The following SLCO2B1 variants were observed in gnomAD, a reference collection of about 807,000 sequenced individuals.
SLCO2B1 encodes the protein OATP-RP2.
SLCO2B1 carries 41 observed loss-of-function variants against 67.3 expected under a neutral mutation model. That is an observed-to-expected ratio of 0.61 (90% CI 0.47 to 0.79). The LOEUF (loss-of-function observed/expected upper bound fraction) is 0.79, where lower values mean the gene tolerates loss of function less well. SLCO2B1 is among the 30% of genes least tolerant of loss of function. The pLI is 0.00. For synonymous variants in SLCO2B1, 379 were observed against 381.4 expected, an observed-to-expected ratio of 0.99 and a Z score of 0.07; for missense variants, 837 against 920.1, an observed-to-expected ratio of 0.91 and a Z score of 1.17.
intron 8 of SLCO2B1, among the ~76,000 whole-genome samples, chr11:75,192,103 C>A (rs1483238795): frequency 6.6e-6 from 1 of 152,104 alleles, no homozygotes; most frequent in Non-Finnish European, 1.5e-5. Flanking sequence ...TCCCCAGATC[C>A]CCCCCACCAT....
Position 75,193,977 on chromosome 11 carries a change from G to A in SLCO2B1, c.1433+402G>A, listed in dbSNP as rs542649213. On this transcript the variant is annotated intron_variant, in intron 9 of 13. Transcript: ENST00000289575. The surrounding 1 kb of genome is among the most constrained non-coding windows in gnomAD (Gnocchi z 4.2). ...GAATGGCCTGCCCAGGAGGAAGCAT[G>A]CTCTCCATCCTGGGGACGAGAGGGG... 6.6e-6 allele frequency among the ~76,000 whole-genome samples: 1 copy of A among 152,300 alleles called. No homozygotes were observed. Among genetic ancestry groups the A allele is most frequent in the South Asian group, 2.1e-4 (1 of 4,828 alleles).
At chr11:75,200,110 A>C in intron 10 of SLCO2B1, 114 bp from the exon 11 acceptor site, 1 of 1,127,306 alleles carries the variant, frequency 8.9e-7, no homozygotes, top group Non-Finnish European at 1.3e-6. Context: ...AGCCAGCTCT[A>C]CCCCAACTGG....
At chr11:75,172,928 CAA>C (rs59869396) in intron 7 of SLCO2B1, among the ~76,000 whole-genome samples, 1 of 140,598 alleles carries the variant, frequency 7.1e-6, no homozygotes, top group Non-Finnish European at 1.6e-5. Flanking sequence ...GACTCCGTCT[CAA>C]AAAAAAAAAA....
chr11:75,166,645 C>T (rs1347703036), intron 4 of SLCO2B1, among the ~76,000 whole-genome samples: 1 of 150,802 alleles, frequency 6.6e-6, no homozygotes, highest in East Asian at 2.0e-4. Context: ...TACTACTCAT[C>T]CATCTATTTA....
chr11:75,203,143 C>A, intron 12 of SLCO2B1, 164 bp from the exon 13 acceptor site: 1 of 1,179,112 alleles, frequency 8.5e-7, no homozygotes, highest in Non-Finnish European at 1.2e-6. Flanking sequence ...AGAGTCTAGA[C>A]AGCCCGTCAG....
At chr11:75,194,231 C>G (rs1171704548) in intron 9 of SLCO2B1, among the ~76,000 whole-genome samples, 1 of 152,240 alleles carries the variant, frequency 6.6e-6, no homozygotes, top group Non-Finnish European at 1.5e-5. Context: ...TTCTATCTCT[C>G]CAATTCTCCC....
At position 75,179,218 on chromosome 11, in the gene SLCO2B1, A is replaced by ATTT. The variant is rs373993870; in HGVS notation, c.972+6674_972+6676dup. Reference sequence around the variant, plus strand: ...TGGGTATGTTTATTGGATACATGAGATTTTTTTTTTTTTTTTTTTTTTTTT... The same window carrying ATTT: ...TGGGTATGTTTATTGGATACATGAGATTTTTTTTTTTTTTTTTTTTTTTTTTTT... On this transcript the variant is annotated intron_variant, in intron 7 of 13. Coordinates refer to ENST00000289575, the MANE Select transcript of SLCO2B1 (RefSeq NM_007256.5). Among the ~76,000 whole-genome samples the ATTT allele has an allele frequency of 2.3e-3, 152 of 66,688 alleles. 35 individuals carry two copies. The highest frequency in any genetic ancestry group is 8.9e-3 in the South Asian group (12 of 1,346). 43.7% of individuals were successfully genotyped at this position (66,688 alleles called of 152,430 possible). A position where few individuals can be genotyped will look rare whatever the true frequency, so the allele number is the denominator to read the frequency against.
chr11:75,153,924 C>CA (rs1555135335), intron 1 of SLCO2B1, among the ~76,000 whole-genome samples: 2 of 123,974 alleles, frequency 1.6e-5, no homozygotes, highest in African/African-American at 3.1e-5. Flanking sequence ...GTGTACAGTA[C>CA]TTTTTTTTTT....
At chr11:75,168,243 T>C (rs1226697568) in intron 4 of SLCO2B1, among the ~76,000 whole-genome samples, 1 of 151,906 alleles carries the variant, frequency 6.6e-6, no homozygotes, top group Non-Finnish European at 1.5e-5. Context: ...AGGCCCAGAG[T>C]GGGTAAGGGC....
chr11:75,163,880 C>T (rs1426282826), intron 2 of SLCO2B1, 83 bp from the exon 3 acceptor site: 1 of 1,469,244 alleles, frequency 6.8e-7, no homozygotes, highest in African/African-American at 1.4e-5. Context: ...CATCTCTACT[C>T]CTTGCTGCTC....
chr11:75,173,559 T>A (rs1356666920), intron 7 of SLCO2B1, among the ~76,000 whole-genome samples: 1 of 152,014 alleles, frequency 6.6e-6, no homozygotes, highest in African/African-American at 2.4e-5. Flanking sequence ...TCTAGAATCC[T>A]CCTCCTCTGC....
chr11:75,187,972 T>C (rs1454927782), intron 7 of SLCO2B1, among the ~76,000 whole-genome samples, 164 bp from the exon 8 acceptor site: 1 of 152,186 alleles, frequency 6.6e-6, no homozygotes, highest in African/African-American at 2.4e-5. Flanking sequence ...TGGGTACCTA[T>C]AGGGCCAAGA....
chr11:75,193,714 G>C lies in SLCO2B1; in HGVS notation c.1433+139G>C. On this transcript the variant is annotated intron_variant, in intron 9 of 13. Coordinates refer to ENST00000289575, the MANE Select transcript of SLCO2B1 (RefSeq NM_007256.5). This position sits in a 1 kb window ranked among gnomAD's most constrained non-coding sequence, Gnocchi z 4.2. ...CCCAGTTCTGCTTAACAGCCCTTTA[G>C]AGATTCGAGTCAAGCAGTGGGGTGC... 1.4e-6 allele frequency: 1 copy of C among 719,340 alleles called. No homozygotes were observed. Among genetic ancestry groups the C allele is most frequent in the South Asian group, 2.3e-5 (1 of 42,670 alleles). 44.6% of individuals were successfully genotyped at this position (719,340 alleles called of 1,614,324 possible).
At chr11:75,199,980 C>A in intron 10 of SLCO2B1, 2 of 518,378 alleles carry the variant, frequency 3.9e-6, no homozygotes. Flanking sequence ...TACTTTCTCT[C>A]TGCTTCCCTC....
chr11:75,174,496 A>G (rs1179347093), intron 7 of SLCO2B1, among the ~76,000 whole-genome samples: 1 of 152,194 alleles, frequency 6.6e-6, no homozygotes, highest in East Asian at 1.9e-4. Flanking sequence ...GGGACTGCAC[A>G]TAGCTGCCCT....
Position 75,179,218 on chromosome 11 carries a change from A to ATTTT in SLCO2B1, c.972+6673_972+6676dup, listed in dbSNP as rs373993870. ...TGGGTATGTTTATTGGATACATGAGATTTTTTTTTTTTTTTTTTTTTTTTT... is the reference window on the plus strand; with the variant it reads ...TGGGTATGTTTATTGGATACATGAGATTTTTTTTTTTTTTTTTTTTTTTTTTTTT... On this transcript the variant is annotated intron_variant, in intron 7 of 13. Coordinates refer to ENST00000289575, the MANE Select transcript of SLCO2B1 (RefSeq NM_007256.5). Among the ~76,000 whole-genome samples, 159 of 66,682 alleles carry ATTTT rather than the reference A, an allele frequency of 2.4e-3. 45 individuals carry two copies. The highest frequency in any genetic ancestry group is 6.9e-3 in the African/African-American group (112 of 16,260). 43.7% of individuals were successfully genotyped at this position (66,682 alleles called of 152,430 possible).
In SLCO2B1 at chr11:75,172,575, C is replaced by A. The variant is rs987619022; in HGVS notation, c.972+6C>A. 2 of 1,611,774 alleles carry A rather than the reference C, an allele frequency of 1.2e-6. No individual in the cohort carries two copies. Among genetic ancestry groups the A allele is most frequent in the East Asian group, 2.2e-5 (1 of 44,890 alleles). On this transcript the variant is annotated splice_donor_region_variant and intron_variant, in intron 7 of 13. Coordinates refer to ENST00000289575, the MANE Select transcript of SLCO2B1 (RefSeq NM_007256.5). Reference sequence around the variant, plus strand: ...CAGACTCACCTGCCAGGAAGGTAAGCTCCCTCCATGTCACCTGACTGGGTC... The same window carrying A: ...CAGACTCACCTGCCAGGAAGGTAAGATCCCTCCATGTCACCTGACTGGGTC...
At chr11:75,179,214 T>C (rs1195332859) in intron 7 of SLCO2B1, among the ~76,000 whole-genome samples, 1 of 143,060 alleles carries the variant, frequency 7.0e-6, no homozygotes, top group Non-Finnish European at 1.5e-5. Context: ...ATTGGATACA[T>C]GAGATTTTTT....
At chr11:75,159,374 T>C (rs2851074) in intron 1 of SLCO2B1, among the ~76,000 whole-genome samples, 113,159 of 152,156 alleles carry the variant, frequency 0.74, 42,794 homozygotes, top group South Asian at 0.85. Context: ...GGCCTGGCTC[T>C]CTGCCCCAGG....
Sources: gnomAD v4.1 joint callset for allele counts (sites outside exome capture counted in the v4.1 genomes callset) on GRCh38, gnomAD v4.1.1 for gene constraint, Gnocchi (gnomAD v3.1) non-coding constraint, MANE v1.5 for transcripts, NCBI Gene and HGNC (gene_info 2026-07-23, HGNC 2026-07-21) for gene names.